Variants in APOOL observed in about 807,000 individuals in gnomAD.
The protein encoded by APOOL is apolipoprotein O like.
Under a neutral mutation model 23.1 loss-of-function variants are expected in APOOL, and 12 were observed. The observed-to-expected ratio is 0.52, with a 90% CI of 0.33 to 0.84. APOOL has a LOEUF of 0.84. Ranked by LOEUF, APOOL falls within the 40% of genes least tolerant of loss-of-function variation. APOOL has a pLI of 0.02. For missense variants in APOOL, 212 were observed against 199.6 expected (o/e 1.06, Z -0.37); for synonymous variants, 77 against 69.9 (o/e 1.10, Z -0.51).
intron 5 of APOOL, among the ~76,000 whole-genome samples, chrX:85,062,505 T>G (rs1004864006): frequency 5.3e-5 from 6 of 112,171 alleles, no homozygotes; most frequent in Non-Finnish European, 1.1e-4. Flanking sequence ...TTTTGGGTTT[T>G]ACATTTAAGT....
At chrX:85,016,504 G>A (rs753863674) in intron 1 of APOOL, among the ~76,000 whole-genome samples, 11 of 110,868 alleles carry the variant, frequency 9.9e-5, no homozygotes, top group African/African-American at 3.3e-4. Flanking sequence ...TCCAGGTAGC[G>A]GGGAATTGTG....
At chrX:85,013,792 T>C (rs1921368664) in intron 1 of APOOL, among the ~76,000 whole-genome samples, 1 of 111,910 alleles carries the variant, frequency 8.9e-6, no homozygotes, top group Non-Finnish European at 1.9e-5. Context: ...ATGTATATTC[T>C]GCAGTTTTGG....
chrX:85,032,098 T>C (rs1389659690), intron 1 of APOOL, among the ~76,000 whole-genome samples: 3 of 112,265 alleles, frequency 2.7e-5, no homozygotes, highest in Non-Finnish European at 5.6e-5. Flanking sequence ...CAATATTCGG[T>C]ATTTGTCAAT....
In APOOL at chrX:85,088,345, T is replaced by TTC. The variant is rs1924438508; in HGVS notation, c.*667_*668insTC. On this transcript the variant is annotated 3_prime_UTR_variant, in exon 9 of 9. Coordinates refer to ENST00000373173, the MANE Select transcript of APOOL (RefSeq NM_198450.6). ...TTTTTTTTTTTTTTTTTTTTTTTTT[T>TTC]CCCATTTCCTAGAGCTGGAATAAAA... The TTC allele has an allele frequency of 3.5e-5, 3 of 84,836 alleles. No homozygotes were observed. Among genetic ancestry groups the TTC allele is most frequent in the African/African-American group, 1.4e-4 (3 of 22,108 alleles). The allele number at this position is 84,836 out of a possible 1,213,427, so 7.0% of individuals were successfully genotyped here. A position where few individuals can be genotyped will look rare whatever the true frequency, so the allele number is the denominator to read the frequency against.
At chrX:85,017,264 T>C (rs1229151101) in intron 1 of APOOL, among the ~76,000 whole-genome samples, 5 of 111,078 alleles carry the variant, frequency 4.5e-5, no homozygotes, top group Admixed American at 9.6e-5. Flanking sequence ...TGCTGTGCAG[T>C]ATAGTTCTCC....
At chrX:85,034,328 G>A (rs1028415257) in intron 1 of APOOL, among the ~76,000 whole-genome samples, 21 of 111,396 alleles carry the variant, frequency 1.9e-4, no homozygotes, top group African/African-American at 5.2e-4. Context: ...TAATAAAACC[G>A]ATTATTGAAA....
rs1602817385 is a variant in APOOL at position 85,092,729 on chromosome X, T to C, written c.*5051T>C. The C allele has an allele frequency of 2.0e-5, 9 of 456,296 alleles. No homozygotes were observed. The East Asian group carries it at 3.4e-4, about 17-fold the overall frequency. 37.6% of individuals were successfully genotyped at this position (456,296 alleles called of 1,213,427 possible). Reference sequence around the variant, plus strand: ...TTCTATAGCTGTAAAAAGAAAAAAGTCTCACTGTTCTGAGCTTTAAAGCCC... The same window carrying C: ...TTCTATAGCTGTAAAAAGAAAAAAGCCTCACTGTTCTGAGCTTTAAAGCCC... On this transcript the variant is annotated 3_prime_UTR_variant, in exon 9 of 9. Transcript: ENST00000373173.
intron 1 of APOOL, among the ~76,000 whole-genome samples, chrX:85,039,887 A>C (rs1329841964): frequency 3.6e-5 from 4 of 111,953 alleles, no homozygotes; most frequent in African/African-American, 1.3e-4. Context: ...TGGGGCATTT[A>C]GCCTGTTTAC....
chrX:85,032,291 G>A lies in APOOL; in HGVS notation c.16-14155G>A, dbSNP rs190901172. On this transcript the variant is annotated intron_variant, in intron 1 of 8. Transcript: ENST00000373173. Reference sequence around the variant, plus strand: ...GCACTTTGGGAGGCCAAGGCGGGCCGATCAACTGAGGTCGGGAGTTCAAGA... The same window carrying A: ...GCACTTTGGGAGGCCAAGGCGGGCCAATCAACTGAGGTCGGGAGTTCAAGA... 3.1e-3 allele frequency among the ~76,000 whole-genome samples: 347 copies of A among 111,527 alleles called. 2 individuals carry two copies. Among genetic ancestry groups the A allele is most frequent in the Non-Finnish European group, 4.5e-3 (240 of 53,048 alleles).
At chrX:85,079,164 G>T (rs775927173) in intron 8 of APOOL, among the ~76,000 whole-genome samples, 2 of 111,647 alleles carry the variant, frequency 1.8e-5, no homozygotes, top group Non-Finnish European at 3.8e-5. Flanking sequence ...CCCCTGTCTT[G>T]TGCCTGTTTT....
At position 85,054,418 on chromosome X, in the gene APOOL, G is replaced by A; in HGVS notation, c.295+20G>A. The stretch of plus-strand genomic sequence containing the variant: ...GAAAAGGTAGGTGAGTAGATAATTA[G>A]AAATGTTTTATTGTGTTTTTAAATT... On this transcript the variant is annotated intron_variant, in intron 4 of 8. Coordinates refer to ENST00000373173, the MANE Select transcript of APOOL (RefSeq NM_198450.6). 3.5e-6 allele frequency: 4 copies of A among 1,139,427 alleles called. No homozygotes were observed. Among genetic ancestry groups the A allele is most frequent in the Non-Finnish European group, 4.7e-6 (4 of 847,083 alleles). 93.9% of individuals were successfully genotyped at this position (1,139,427 alleles called of 1,213,427 possible). A position where few individuals can be genotyped will look rare whatever the true frequency, so the allele number is the denominator to read the frequency against.
At chrX:85,068,580 AT>A (rs1923555889) in intron 6 of APOOL, among the ~76,000 whole-genome samples, 1 of 107,542 alleles carries the variant, frequency 9.3e-6, no homozygotes, top group Non-Finnish European at 1.9e-5. Flanking sequence ...TAATTTTTGT[AT>A]TTTTAGTAGA....
intron 1 of APOOL, among the ~76,000 whole-genome samples, chrX:85,043,808 C>G (rs903711820): frequency 3.6e-5 from 4 of 111,708 alleles, no homozygotes; most frequent in Non-Finnish European, 7.5e-5. Context: ...GCATGAAATA[C>G]ATGTGCAAAG....
intron 8 of APOOL, among the ~76,000 whole-genome samples, chrX:85,074,772 A>G (rs1379511586): frequency 9.0e-6 from 1 of 110,685 alleles, no homozygotes; most frequent in Non-Finnish European, 1.9e-5. Flanking sequence ...TGTGCTATTT[A>G]CCTATCAGTC....
At chrX:85,009,500 T>C (rs1014828456) in intron 1 of APOOL, among the ~76,000 whole-genome samples, 1 of 112,244 alleles carries the variant, frequency 8.9e-6, no homozygotes, top group Non-Finnish European at 1.9e-5. Flanking sequence ...GAAATGATCA[T>C]GTTGTTTTTG....
At position 85,031,896 on chromosome X, in the gene APOOL, C is replaced by A. The variant is rs762874052; in HGVS notation, c.16-14550C>A. ...TAACGTCTGAATTCTAAACTGACAA[C>A]AACTTTAAAATCATCTTTTATTGGA... On this transcript the variant is annotated intron_variant, in intron 1 of 8. Coordinates refer to ENST00000373173, the MANE Select transcript of APOOL (RefSeq NM_198450.6). 7.0e-4 allele frequency among the ~76,000 whole-genome samples: 79 copies of A among 112,123 alleles called. 1 individual carries two copies. Among genetic ancestry groups the A allele is most frequent in the African/African-American group, 2.4e-3 (75 of 30,853 alleles).
chrX:85,051,573 G>A, intron 3 of APOOL, 65 bp downstream of exon 3: 1 of 1,174,716 alleles, frequency 8.5e-7, no homozygotes, highest in Non-Finnish European at 1.2e-6. Context: ...GTTACCTACT[G>A]ATGTGTAGAA....
chrX:85,086,347 C>G (rs1437872312), intron 8 of APOOL, among the ~76,000 whole-genome samples: 1 of 111,773 alleles, frequency 8.9e-6, no homozygotes, highest in African/African-American at 3.3e-5. Context: ...CTCATTTGTA[C>G]TCAGATGTTT....
At chrX:85,009,155 C>T (rs1042921011) in intron 1 of APOOL, among the ~76,000 whole-genome samples, 2 of 111,253 alleles carry the variant, frequency 1.8e-5, no homozygotes, top group African/African-American at 6.5e-5. Context: ...TTTTTGGTGG[C>T]GTATTTAAGA....
Sources: gnomAD v4.1 joint callset for allele counts (sites outside exome capture counted in the v4.1 genomes callset) on GRCh38, gnomAD v4.1.1 for gene constraint, MANE v1.5 for transcripts, NCBI Gene and HGNC (gene_info 2026-07-23, HGNC 2026-07-21) for gene names.